Variants in ANKRD30BL observed in about 807,000 individuals in gnomAD.
ANKRD30BL encodes the protein ankyrin repeat domain 30B like.
In ANKRD30BL, 20 loss-of-function variants were observed where a neutral mutation model predicts 18.4. The ratio of observed to expected loss-of-function variants is 1.09; its 90% CI spans 0.77 to 1.58. The LOEUF is 1.58. Ranked by LOEUF, ANKRD30BL falls within the 40% of genes most tolerant of loss-of-function variation. The pLI is 0.00. For missense variants in ANKRD30BL, 224 were observed against 268.6 expected (o/e 0.83, Z 1.16); for synonymous variants, 72 against 100.9 (o/e 0.71, Z 1.72).
chr2:132,170,489 G>T (rs1266082085), intron 1 of ANKRD30BL, among the ~76,000 whole-genome samples: 2 of 152,188 alleles, frequency 1.3e-5, no homozygotes, highest in Non-Finnish European at 2.9e-5. Context: ...TGTGCAAGCT[G>T]GTCGGAGGTT....
chr2:132,174,707 T>C (rs964596311), intron 1 of ANKRD30BL, among the ~76,000 whole-genome samples: 1 of 152,232 alleles, frequency 6.6e-6, no homozygotes, highest in African/African-American at 2.4e-5. Flanking sequence ...AAGTCAGATC[T>C]AAGTCAAAAG....
chr2:132,257,428 C>T (rs536352126), intron 1 of ANKRD30BL: 1 of 318,494 alleles, frequency 3.1e-6, no homozygotes, highest in South Asian at 2.4e-5. Context: ...CGGGATTCTC[C>T]CCTGACTCGG....
chr2:132,184,762 C>T (rs1197201939), intron 1 of ANKRD30BL, among the ~76,000 whole-genome samples: 1 of 151,924 alleles, frequency 6.6e-6, no homozygotes, highest in African/African-American at 2.4e-5. Context: ...GGGATTCCCC[C>T]CTAATCCCAG....
rs541785518 is a variant in ANKRD30BL at position 132,240,324 on chromosome 2, G to A, written n.441+17205C>T. Among the ~76,000 whole-genome samples the A allele has an allele frequency of 4.6e-3, 663 of 145,362 alleles. 2 individuals are homozygous for A. Among genetic ancestry groups the A allele is most frequent in the African/African-American group, 0.015 (577 of 39,644 alleles). On this transcript the variant is annotated intron_variant and non_coding_transcript_variant, in intron 1 of 4. Coordinates refer to the ANKRD30BL transcript ENST00000470729. ...TTTCGTTGAAAAGGGGAATATCTTCGCATAAAACTAGACAGAAGCATTCCC... is the reference window on the plus strand; with the variant it reads ...TTTCGTTGAAAAGGGGAATATCTTCACATAAAACTAGACAGAAGCATTCCC...
At chr2:132,197,401 CA>C (rs1271971509) in intron 1 of ANKRD30BL, among the ~76,000 whole-genome samples, 1 of 151,588 alleles carries the variant, frequency 6.6e-6, no homozygotes, top group Non-Finnish European at 1.5e-5. Context: ...ATGATTTCTT[CA>C]AAAAAAGTCT....
intron 1 of ANKRD30BL, among the ~76,000 whole-genome samples, chr2:132,247,619 C>T (rs1680539888): frequency 6.6e-6 from 1 of 151,762 alleles, no homozygotes; most frequent in Admixed American, 6.6e-5. Flanking sequence ...TCAAAATGCT[C>T]AGATATATAC....
At chr2:132,253,626 C>G (rs551145135) in intron 1 of ANKRD30BL, among the ~76,000 whole-genome samples, 1 of 152,130 alleles carries the variant, frequency 6.6e-6, no homozygotes, top group East Asian at 1.9e-4. Context: ...TGTGGCGTGG[C>G]CCCAGCTGGC....
intron 1 of ANKRD30BL, among the ~76,000 whole-genome samples, chr2:132,158,084 G>A (rs1687959941): frequency 6.6e-6 from 1 of 152,062 alleles, no homozygotes; most frequent in Non-Finnish European, 1.5e-5. Flanking sequence ...AAATAAGGAG[G>A]CATCACACAA....
At chr2:132,227,511 G>T (rs1352991962) in intron 1 of ANKRD30BL, among the ~76,000 whole-genome samples, 1 of 149,648 alleles carries the variant, frequency 6.7e-6, no homozygotes, top group Non-Finnish European at 1.5e-5. Context: ...GTGGATATTA[G>T]GTACCCCTTG....
intron 1 of ANKRD30BL, among the ~76,000 whole-genome samples, chr2:132,174,245 C>A (rs1023395673): frequency 2.0e-5 from 3 of 152,252 alleles, no homozygotes; most frequent in Admixed American, 6.5e-5. Flanking sequence ...GGCTTTGAGA[C>A]CCTGGAACAA....
intron 1 of ANKRD30BL, among the ~76,000 whole-genome samples, chr2:132,242,661 G>T (rs12612555): frequency 0.059 from 8,987 of 151,650 alleles, 318 homozygotes; most frequent in South Asian, 0.12. Flanking sequence ...TGTAGAATCT[G>T]CAAGTGGATA....
intron 1 of ANKRD30BL, among the ~76,000 whole-genome samples, chr2:132,222,349 C>T (rs939844823): frequency 2.6e-5 from 4 of 152,110 alleles, no homozygotes; most frequent in African/African-American, 9.7e-5. Context: ...CAGCGGCTCA[C>T]TGGGGATGGG....
chr2:132,217,985 T>C (rs78698285), intron 1 of ANKRD30BL, among the ~76,000 whole-genome samples: 3 of 151,316 alleles, frequency 2.0e-5, no homozygotes, highest in African/African-American at 7.3e-5. Flanking sequence ...TCAGAAACTT[T>C]TTTATGATGT....
chr2:132,201,723 A>T (rs1307618387), intron 1 of ANKRD30BL, among the ~76,000 whole-genome samples: 1 of 152,232 alleles, frequency 6.6e-6, no homozygotes, highest in Non-Finnish European at 1.5e-5. Context: ...CCACTGTGGA[A>T]GTCAGTGTGG....
At chr2:132,243,071 G>T (rs528352073) in intron 1 of ANKRD30BL, among the ~76,000 whole-genome samples, 119 of 151,854 alleles carry the variant, frequency 7.8e-4, no homozygotes, top group Middle Eastern at 3.4e-3. Context: ...AAACTAGACA[G>T]AGGCATTCTC....
chr2:132,196,754 C>G (rs1258559199), intron 1 of ANKRD30BL, among the ~76,000 whole-genome samples: 1 of 151,434 alleles, frequency 6.6e-6, no homozygotes, highest in East Asian at 1.9e-4. Context: ...TTGCAGTGAA[C>G]CGAGATCATG....
intron 1 of ANKRD30BL, among the ~76,000 whole-genome samples, chr2:132,223,390 T>C (rs1433535208): frequency 6.6e-6 from 1 of 151,942 alleles, no homozygotes; most frequent in African/African-American, 2.4e-5. Context: ...ACACTCTTTT[T>C]GTAGAATCTG....
At chr2:132,217,429 A>G (rs1223229141) in intron 1 of ANKRD30BL, among the ~76,000 whole-genome samples, 1 of 151,886 alleles carries the variant, frequency 6.6e-6, no homozygotes, top group African/African-American at 2.4e-5. Context: ...TGAAAAGGAA[A>G]TGTCCTCACA....
At chr2:132,201,410 A>G (rs377522702) in intron 1 of ANKRD30BL, among the ~76,000 whole-genome samples, 1 of 152,196 alleles carries the variant, frequency 6.6e-6, no homozygotes, top group Non-Finnish European at 1.5e-5. Context: ...ACAAAGGACT[A>G]ATATCCAGAA....
Sources: allele counts gnomAD v4.1 joint callset (sites outside exome capture counted in the v4.1 genomes callset), GRCh38; gene constraint gnomAD v4.1.1; transcripts MANE v1.5; gene names NCBI Gene and HGNC (gene_info 2026-07-23, HGNC 2026-07-21).